ZFP28: variants seen among roughly 807,000 people sequenced by gnomAD.
ZFP28 encodes the protein zinc finger protein 28 homolog.
ZFP28 carries 31 observed loss-of-function variants against 39.5 expected under a neutral mutation model. The ratio of observed to expected loss-of-function variants is 0.79; its 90% CI spans 0.59 to 1.06. The LOEUF (loss-of-function observed/expected upper bound fraction) is 1.06, where lower values mean the gene tolerates loss of function less well. ZFP28 is among the 50% of genes least tolerant of loss of function. The probability of loss-of-function intolerance (pLI) is 0.00; values close to 1 mark genes in which losing one functional copy is unlikely to be tolerated. For synonymous variants in ZFP28, 400 were observed against 378.6 expected (o/e 1.06, Z -0.66); for missense variants, 925 against 1,048.4 (o/e 0.88, Z 1.63).
intron 1 of ZFP28, 107 bp downstream of exon 1, chr19:56,539,333 C>A (rs1322886455): frequency 4.2e-6 from 5 of 1,198,260 alleles, no homozygotes; most frequent in Non-Finnish European, 5.7e-6. Flanking sequence ...GAGAACTGTG[C>A]CCCTGGTCTT....
intron 2 of ZFP28, among the ~76,000 whole-genome samples, 183 bp downstream of exon 2, chr19:56,539,899 C>CGCAT (rs2044180231): frequency 6.6e-6 from 1 of 152,212 alleles, no homozygotes; most frequent in African/African-American, 2.4e-5. Context: ...GCCTCGATGC[C>CGCAT]TGCTTCTTCT....
chr19:56,545,011 G>A (rs1207278001), intron 2 of ZFP28, among the ~76,000 whole-genome samples: 10 of 152,188 alleles, frequency 6.6e-5, no homozygotes, highest in Non-Finnish European at 1.3e-4. Flanking sequence ...ATTCTTCTTG[G>A]CAAGCAAATA....
chr19:56,549,157 A>C (rs746641806), intron 5 of ZFP28, 36 bp downstream of exon 5: 72 of 1,581,396 alleles, frequency 4.6e-5, no homozygotes, highest in Non-Finnish European at 5.8e-5. Context: ...AAGAGGAAGG[A>C]TCCTTCATGA....
chr19:56,550,862 A>G, intron 7 of ZFP28: 1 of 1,448,768 alleles, frequency 6.9e-7, no homozygotes, highest in Non-Finnish European at 9.0e-7. Context: ...GCTTCCTTAA[A>G]TGATCTTTTC....
chr19:56,550,704 T>C (rs379214), intron 7 of ZFP28, 99 bp downstream of exon 7: 918,793 of 1,589,484 alleles, frequency 0.58, 274,895 homozygotes, highest in East Asian at 0.87. Flanking sequence ...TAGGAAACTT[T>C]ACCCAGGGTC....
chr19:56,540,322 C>A (rs2044184879), intron 2 of ZFP28, among the ~76,000 whole-genome samples: 1 of 152,212 alleles, frequency 6.6e-6, no homozygotes, highest in Non-Finnish European at 1.5e-5. Context: ...AGAAAGACAA[C>A]ATTTTAGGGA....
rs1257589722 is a variant in ZFP28, at chr19:56,548,944, T to C, written c.524-14T>C. 1 of 1,603,882 alleles carries C rather than the reference T, an allele frequency of 6.2e-7. No individual in the cohort carries two copies. The highest frequency in any genetic ancestry group is 1.1e-5 in the South Asian group (1 of 88,548). ...CATGATAAAAGATAAATTTACCTTC[T>C]TTACGTCTTTCAGACTTGAAGGCTG... is the stretch of plus-strand genomic sequence containing the variant. On this transcript the variant is annotated splice_polypyrimidine_tract_variant and intron_variant, in intron 4 of 7. Transcript: ENST00000301318.
Position 56,547,933 on chromosome 19 carries a change from C to A in ZFP28, c.523+31C>A. 1 of 1,609,246 alleles carries A rather than the reference C, an allele frequency of 6.2e-7. No homozygotes were observed. Among genetic ancestry groups the A allele is most frequent in the Non-Finnish European group, 8.5e-7 (1 of 1,175,990 alleles). On this transcript the variant is annotated intron_variant, in intron 4 of 7. Coordinates refer to ENST00000301318, the MANE Select transcript of ZFP28 (RefSeq NM_020828.2). The surrounding 1 kb of genome is among the most constrained non-coding windows in gnomAD (Gnocchi z 4.6). ...TGTGGGAGAACCAGGTAGGGTGAGG[C>A]CACTGCTGGTCATAGTTCAGCTGAC... is the stretch of plus-strand genomic sequence containing the variant.
chr19:56,554,957 T>C lies in ZFP28; in HGVS notation c.2172T>C (p.Thr724=). The change falls in exon 8 of 8, where the codon ACT becomes ACC. Residue 724 remains threonine (T), a synonymous_variant. Coordinates refer to ENST00000301318, the MANE Select transcript of ZFP28 (RefSeq NM_020828.2). This position sits in a 1 kb window ranked among gnomAD's most constrained non-coding sequence, Gnocchi z 6.7. ...GTACTCAACATCAAAGACTGCACAC[T>C]GGCCAAAGACCTTATGAATGTATTG... The part of the protein sequence containing the change: ...SSCTQHQRLH[T]GQRPYECIEC... 1 of 1,614,156 alleles carries C rather than the reference T, an allele frequency of 6.2e-7. No homozygotes were observed. Among genetic ancestry groups the C allele is most frequent in the East Asian group, 2.2e-5 (1 of 44,884 alleles).
At chr19:56,549,521 C>CA (rs1031138916) in intron 5 of ZFP28, among the ~76,000 whole-genome samples, 2 of 152,138 alleles carry the variant, frequency 1.3e-5, no homozygotes, top group Admixed American at 6.5e-5. Flanking sequence ...ACTAAAAATA[C>CA]AAAAAATTAG....
At position 56,554,359 on chromosome 19, in the gene ZFP28, G is replaced by A; in HGVS notation, c.1574G>A (p.Arg525Lys). The A allele has an allele frequency of 6.2e-7, 1 of 1,614,146 alleles. No individual in the cohort carries two copies. Among genetic ancestry groups the A allele is most frequent in the East Asian group, 2.2e-5 (1 of 44,884 alleles). The change falls in exon 8 of 8, where the codon AGA becomes AAA. Residue 525 changes from arginine to lysine, a missense_variant. By Grantham distance (26) the Arg-to-Lys change is conservative (BLOSUM62 2). Around this residue, in one of 2 missense-constraint regions of ZFP28, gnomAD observed 369 missense variants for 505.5 expected, o/e 0.73. Transcript: ENST00000301318. The surrounding 1 kb of genome is among the most constrained non-coding windows in gnomAD (Gnocchi z 6.7). ...CACATAGGGCTTAATCAACACAGGA[G>A]AATTCATACTGGAGAGAAACCTTAC... is the stretch of plus-strand genomic sequence containing the variant. ...SDHIGLNQHR[R>K]IHTGEKPYKC...
In ZFP28 at chr19:56,555,013, C is replaced by T. The variant is rs2044338078; in HGVS notation, c.2228C>T (p.Ser743Phe). The T allele has an allele frequency of 6.2e-7, 1 of 1,614,112 alleles. No homozygotes were observed. Among genetic ancestry groups the T allele is most frequent in the Non-Finnish European group, 8.5e-7 (1 of 1,180,022 alleles). ...ECGKAFKTKS[S>F]LICHRRSHTG... ...GGAAAGGCATTCAAGACAAAATCCTCCCTTATTTGTCATCGCAGAAGTCAT... is the reference window on the plus strand; with the variant it reads ...GGAAAGGCATTCAAGACAAAATCCTTCCTTATTTGTCATCGCAGAAGTCAT... The change falls in exon 8 of 8, where the codon TCC becomes TTC. Residue 743 changes from serine to phenylalanine, a missense_variant. Coordinates refer to ENST00000301318, the MANE Select transcript of ZFP28 (RefSeq NM_020828.2).
At chr19:56,545,214 C>T (rs534834708) in intron 2 of ZFP28, among the ~76,000 whole-genome samples, 1 of 152,196 alleles carries the variant, frequency 6.6e-6, no homozygotes, top group Non-Finnish European at 1.5e-5. Flanking sequence ...TTTCAGTCCC[C>T]AGCTTAGGAG....
intron 7 of ZFP28, chr19:56,553,185 T>G (rs2044320333): frequency 2.0e-5 from 3 of 152,120 alleles, no homozygotes; most frequent in African/African-American, 7.3e-5. Context: ...TGAGGATGTT[T>G]TCAGGCTTGT....
At position 56,539,098 on chromosome 19, in the gene ZFP28, C is replaced by A. The variant is rs1038560030; in HGVS notation, c.80C>A (p.Ala27Glu). 1.9e-6 allele frequency: 3 copies of A among 1,546,224 alleles called. No individual in the cohort carries two copies. Among genetic ancestry groups the A allele is most frequent in the African/African-American group, 1.4e-5 (1 of 73,062 alleles). Residue 27 changes from alanine to glutamate, a missense_variant, in exon 1 of 8, where the codon GCG (alanine) becomes GAG (glutamate). Ala to Glu is a moderately radical substitution (Grantham distance 107). Around this residue, in one of 2 missense-constraint regions of ZFP28, gnomAD observed 556 missense variants for 542.9 expected, o/e 1.02. Coordinates refer to ENST00000301318, the MANE Select transcript of ZFP28 (RefSeq NM_020828.2). Reference sequence around the variant, plus strand: ...GGCGCCCCCCGCACAAAGCCCCGGGCGGGCCGAGGCCCGACTGTAGGGACT... The same window carrying A: ...GGCGCCCCCCGCACAAAGCCCCGGGAGGGCCGAGGCCCGACTGTAGGGACT... ...GRGAPRTKPR[A>E]GRGPTVGTPA...
At chr19:56,549,146 C>A in intron 5 of ZFP28, 25 bp downstream of exon 5, 1 of 1,586,496 alleles carries the variant, frequency 6.3e-7, no homozygotes, top group Non-Finnish European at 8.6e-7. Context: ...AAATTTCAGG[C>A]AAGAGGAAGG....
At chr19:56,549,611 AG>A (rs1485637619) in intron 5 of ZFP28, among the ~76,000 whole-genome samples, 5 of 152,052 alleles carry the variant, frequency 3.3e-5, no homozygotes, top group Admixed American at 1.3e-4. Context: ...CGGGAGGCGG[AG>A]CTTGCAGTGA....
Position 56,556,347 on chromosome 19 carries a change from C to T in ZFP28, c.*955C>T, listed in dbSNP as rs2044350813. ...TAGCAGCAGAGTTGAGCAGTTGTGACAGGAGACCATGTGGCCTGCAGAGCC... is the reference window on the plus strand; with the variant it reads ...TAGCAGCAGAGTTGAGCAGTTGTGATAGGAGACCATGTGGCCTGCAGAGCC... On this transcript the variant is annotated 3_prime_UTR_variant, in exon 8 of 8. Coordinates refer to ENST00000301318, the MANE Select transcript of ZFP28 (RefSeq NM_020828.2). 1 of 152,212 alleles carries T rather than the reference C, an allele frequency of 6.6e-6. No homozygotes were observed. The highest frequency in any genetic ancestry group is 2.4e-5 in the African/African-American group (1 of 41,460). The allele number at this position is 152,212 out of a possible 1,614,324, so 9.4% of individuals were successfully genotyped here.
chr19:56,547,885 C>A lies in ZFP28; in HGVS notation c.506C>A (p.Thr169Lys). 1 of 1,614,128 alleles carries A rather than the reference C, an allele frequency of 6.2e-7. No individual in the cohort carries two copies. Among genetic ancestry groups the A allele is most frequent in the Non-Finnish European group, 8.5e-7 (1 of 1,180,022 alleles). The change falls in exon 4 of 8, where the codon ACA (threonine) becomes AAA (lysine). Residue 169 changes from threonine to lysine, a missense_variant. Physicochemically the swap from Thr to Lys is moderately conservative, Grantham distance 78. Around this residue, in one of 2 missense-constraint regions of ZFP28, gnomAD observed 556 missense variants for 542.9 expected, o/e 1.02. Coordinates refer to ENST00000301318, the MANE Select transcript of ZFP28 (RefSeq NM_020828.2). The surrounding 1 kb of genome is among the most constrained non-coding windows in gnomAD (Gnocchi z 4.6). Reference sequence around the variant, plus strand: ...CCTTGGACAGTGAAGCGAAAGATGACAAGAGCCTGGTGCCCAGGTGAGTGT... The same window carrying A: ...CCTTGGACAGTGAAGCGAAAGATGAAAAGAGCCTGGTGCCCAGGTGAGTGT... ...KEPWTVKRKM[T>K]RAWCPDLKAV...
Sources: allele counts gnomAD v4.1 joint callset (sites outside exome capture counted in the v4.1 genomes callset), GRCh38; gene constraint gnomAD v4.1.1; regional missense constraint gnomAD v4.1.1; non-coding constraint Gnocchi (gnomAD v3.1); transcripts MANE v1.5; gene names NCBI Gene and HGNC (gene_info 2026-07-23, HGNC 2026-07-21).